The following SPMIP2 variants were observed in gnomAD, a reference collection of about 807,000 sequenced individuals.
SPMIP2 encodes the protein protein SPMIP2.
chr4:158,990,077 G>A, the SPMIP2 span, among the ~76,000 whole-genome samples: 43,481 of 151,976 alleles, frequency 0.29, 6,691 homozygotes, highest in South Asian at 0.41. Flanking sequence ...GGATATGAAC[G>A]GGTACTTCTT....
chr4:159,018,714 T>C, the SPMIP2 span, among the ~76,000 whole-genome samples: 1 of 152,132 alleles, frequency 6.6e-6, no homozygotes, highest in Admixed American at 6.6e-5. Context: ...TGCAATCAAT[T>C]TGGGATAAAT....
At chr4:158,934,497 A>G in the SPMIP2 span, among the ~76,000 whole-genome samples, 3 of 152,170 alleles carry the variant, frequency 2.0e-5, no homozygotes, top group African/African-American at 7.2e-5. Context: ...ACAATAATGT[A>G]ATACTACTTA....
the SPMIP2 span, among the ~76,000 whole-genome samples, chr4:159,075,597 C>T: frequency 6.6e-6 from 1 of 152,090 alleles, no homozygotes; most frequent in South Asian, 2.1e-4. Flanking sequence ...GTGTGATAAT[C>T]TTGGTCACTT....
the SPMIP2 span, among the ~76,000 whole-genome samples, chr4:158,984,728 A>G: frequency 6.6e-6 from 1 of 152,148 alleles, no homozygotes; most frequent in Non-Finnish European, 1.5e-5. Flanking sequence ...AAGAACTAGA[A>G]AAGAAAGAGC....
the SPMIP2 span, among the ~76,000 whole-genome samples, chr4:158,986,347 A>T: frequency 4.6e-5 from 7 of 152,296 alleles, no homozygotes; most frequent in South Asian, 2.1e-4. Flanking sequence ...AGACAAAAGA[A>T]CAAAGCTGGA....
At chr4:158,908,647 G>A in the SPMIP2 span, among the ~76,000 whole-genome samples, 8 of 152,144 alleles carry the variant, frequency 5.3e-5, no homozygotes, top group African/African-American at 1.7e-4. Flanking sequence ...GTCTTCATTT[G>A]TAGCCCCTGC....
At chr4:158,957,926 T>C in the SPMIP2 span, among the ~76,000 whole-genome samples, 1 of 152,264 alleles carries the variant, frequency 6.6e-6, no homozygotes, top group Non-Finnish European at 1.5e-5. Context: ...TTGTTTGATT[T>C]GTTGCCATAA....
At chr4:158,895,656 TGTA>T in the SPMIP2 span, 2 of 755,348 alleles carry the variant, frequency 2.6e-6, no homozygotes, top group African/African-American at 3.5e-5. Context: ...ATAAAAGCTG[TGTA>T]GTTAGAAATG....
At chr4:158,943,853 A>ATTTT in the SPMIP2 span, among the ~76,000 whole-genome samples, 1 of 46,482 alleles carries the variant, frequency 2.2e-5, no homozygotes, top group Non-Finnish European at 4.1e-5. Flanking sequence ...TACTATTGAC[A>ATTTT]TTTTCTTTTT....
At chr4:158,902,380 A>C in the SPMIP2 span, among the ~76,000 whole-genome samples, 2 of 152,188 alleles carry the variant, frequency 1.3e-5, no homozygotes, top group Admixed American at 1.3e-4. Flanking sequence ...AGGGGCACCC[A>C]CCAGATTCCA....
At chr4:158,958,200 A>G in the SPMIP2 span, among the ~76,000 whole-genome samples, 689 of 151,958 alleles carry the variant, frequency 4.5e-3, no homozygotes, top group Non-Finnish European at 8.1e-3. Context: ...TGGGGATTCT[A>G]TGTTGCCCAG....
the SPMIP2 span, among the ~76,000 whole-genome samples, chr4:159,056,055 A>G: frequency 1.5e-4 from 22 of 151,574 alleles, no homozygotes; most frequent in Non-Finnish European, 3.1e-4. Context: ...ATGTTCCAAC[A>G]CCTCCCCCTC....
the SPMIP2 span, among the ~76,000 whole-genome samples, chr4:159,021,176 T>C: frequency 6.6e-6 from 1 of 152,240 alleles, no homozygotes; most frequent in Non-Finnish European, 1.5e-5. Context: ...CCCATCCAAA[T>C]TTGGAGATAA....
chr4:158,971,569 C>T, the SPMIP2 span, among the ~76,000 whole-genome samples: 1 of 152,096 alleles, frequency 6.6e-6, no homozygotes, highest in Non-Finnish European at 1.5e-5. Context: ...CACAACAGTA[C>T]TAATAGCTAA....
At chr4:159,001,063 T>C in the SPMIP2 span, among the ~76,000 whole-genome samples, 1 of 152,334 alleles carries the variant, frequency 6.6e-6, no homozygotes, top group South Asian at 2.1e-4. Flanking sequence ...TATTAATTTG[T>C]AAAGGAACTT....
the SPMIP2 span, among the ~76,000 whole-genome samples, chr4:158,971,169 A>G: frequency 1.3e-5 from 2 of 152,206 alleles, no homozygotes; most frequent in African/African-American, 4.8e-5. Context: ...GAGAGAGGCT[A>G]TACACACTCA....
chr4:158,909,353 C>T, the SPMIP2 span: 2 of 145,730 alleles, frequency 1.4e-5, no homozygotes, highest in African/African-American at 5.0e-5. Flanking sequence ...TTCCCTGAAG[C>T]TTTTTTTTTT....
the SPMIP2 span, among the ~76,000 whole-genome samples, chr4:159,008,573 G>GA: frequency 0.65 from 98,862 of 151,172 alleles, 32,771 homozygotes; most frequent in African/African-American, 0.76. Flanking sequence ...TGTCTCAAAA[G>GA]AAAAAAAAAT....
At chr4:158,995,855 C>CAAAAAAAAAAAAAAAAAAAAAAAA in the SPMIP2 span, among the ~76,000 whole-genome samples, 1 of 70,752 alleles carries the variant, frequency 1.4e-5, no homozygotes, top group African/African-American at 5.5e-5. Flanking sequence ...GACTCCATCT[C>CAAAAAAAAAAAAAAAAAAAAAAAA]AAAAAAAAAA....
Sources: allele counts gnomAD v4.1 joint callset (sites outside exome capture counted in the v4.1 genomes callset), GRCh38; gene constraint gnomAD v4.1.1; transcripts MANE v1.5; gene names NCBI Gene and HGNC (gene_info 2026-07-23, HGNC 2026-07-21).